Variants in ITGAD observed in about 807,000 individuals in gnomAD.
ITGAD encodes integrin subunit alpha D, also known as integrin alpha-D.
In ITGAD, 105 loss-of-function variants were observed where a neutral mutation model predicts 139.0. The ratio of observed to expected loss-of-function variants is 0.76; its 90% CI spans 0.65 to 0.89. The LOEUF (loss-of-function observed/expected upper bound fraction) is 0.89. Ranked by LOEUF, ITGAD falls within the 40% of genes least tolerant of loss-of-function variation. The pLI is 0.00. For missense variants in ITGAD, 1,384 were observed against 1,487.3 expected (o/e 0.93, Z 1.14); for synonymous variants, 569 against 598.3 (o/e 0.95, Z 0.71).
intron 20 of ITGAD, among the ~76,000 whole-genome samples, chr16:31,416,877 G>C (rs1433172987): frequency 6.6e-6 from 1 of 151,896 alleles, no homozygotes; most frequent in Non-Finnish European, 1.5e-5. Flanking sequence ...ATCACTGCTA[G>C]CATCCCCAGA....
At chr16:31,422,681 C>T (rs1443908626) in intron 23 of ITGAD, among the ~76,000 whole-genome samples, 1 of 151,876 alleles carries the variant, frequency 6.6e-6, no homozygotes, top group Non-Finnish European at 1.5e-5. Flanking sequence ...TGTAAATTTC[C>T]AAAACTGGAG....
chr16:31,394,265 G>T lies in ITGAD; in HGVS notation c.61G>T (p.Asp21Tyr). Residue 21 changes from aspartate (D) to tyrosine (Y), a missense_variant, in exon 2 of 30, where the codon GAT becomes TAT. Physicochemically the swap from Asp to Tyr is radical, Grantham distance 160 (BLOSUM62 -3). Transcript: ENST00000389202. ...GGCTTCTTATCATGGATTCAACCTG[G>T]ATGTGGAGGAGCCTACGATCTTCCA... ...VLASYHGFNL[D>Y]VEEPTIFQED... 8.1e-6 allele frequency: 13 copies of T among 1,613,884 alleles called. No individual in the cohort carries two copies. The highest frequency in any genetic ancestry group is 1.1e-5 in the Non-Finnish European group (13 of 1,179,904).
intron 1 of ITGAD, among the ~76,000 whole-genome samples, chr16:31,393,730 A>T (rs1410324203): frequency 6.6e-6 from 1 of 152,024 alleles, no homozygotes; most frequent in Non-Finnish European, 1.5e-5. Flanking sequence ...GGGAGGGGGA[A>T]AGGTTGGACA....
intron 10 of ITGAD, chr16:31,408,739 C>T (rs984683957): frequency 2.0e-6 from 1 of 490,050 alleles, no homozygotes. Flanking sequence ...TCAGATAGCA[C>T]TAAGCATCAG....
At chr16:31,397,692 G>C (rs1339520242) in intron 4 of ITGAD, 26 bp downstream of exon 4, 4 of 1,513,396 alleles carry the variant, frequency 2.6e-6, no homozygotes, top group African/African-American at 2.7e-5. Context: ...GGGCCACGGG[G>C]GGGTGGGGTG....
At chr16:31,409,217 C>A (rs2081615886) in intron 10 of ITGAD, among the ~76,000 whole-genome samples, 1 of 152,036 alleles carries the variant, frequency 6.6e-6, no homozygotes, top group African/African-American at 2.4e-5. Flanking sequence ...ATTGCTTGAA[C>A]CCAGGAGGCA....
At chr16:31,398,889 T>C (rs2081338037) in intron 5 of ITGAD, among the ~76,000 whole-genome samples, 1 of 152,116 alleles carries the variant, frequency 6.6e-6, no homozygotes, top group Non-Finnish European at 1.5e-5. Context: ...CTTCTTGAGT[T>C]TCAGAGGAAG....
At chr16:31,407,987 T>C in intron 9 of ITGAD, 71 bp downstream of exon 9, 3 of 1,466,652 alleles carry the variant, frequency 2.0e-6, no homozygotes. Context: ...GGCTTTTTTT[T>C]TTTGAGATGG....
At chr16:31,412,706 T>C in intron 14 of ITGAD, 132 bp from the exon 15 acceptor site, 1 of 1,099,022 alleles carries the variant, frequency 9.1e-7, no homozygotes, top group Non-Finnish European at 1.3e-6. Flanking sequence ...CAGGCTCTTG[T>C]TGGTGACATC....
Position 31,417,256 on chromosome 16 carries a change from T to TTTA in ITGAD, c.2499+611_2499+613dup, listed in dbSNP as rs1327888689. Among the ~76,000 whole-genome samples, 262 of 72,698 alleles carry TTTA rather than the reference T, an allele frequency of 3.6e-3. 1 individual carries two copies. The highest frequency in any genetic ancestry group is 6.8e-3 in the Non-Finnish European group (221 of 32,344). 47.7% of individuals were successfully genotyped at this position (72,698 alleles called of 152,430 possible). A position where few individuals can be genotyped will look rare whatever the true frequency, so the allele number is the denominator to read the frequency against. On this transcript the variant is annotated intron_variant, in intron 20 of 29. Transcript: ENST00000389202. ...TATTTATTTATTTATTTATTTATTTTTTAGAGACAGGGTCTCACCATGCTG... is the reference window on the plus strand; with the variant it reads ...TATTTATTTATTTATTTATTTATTTTTTATTAGAGACAGGGTCTCACCATGCTG...
In ITGAD at chr16:31,403,194, C is replaced by T. The variant is rs1223619092; in HGVS notation, c.559-306C>T. ...TTTATTAAAACTGAAAACAATATGG[C>T]TTGGTGTGGTGGCTCACACCTGTAA... is the stretch of plus-strand genomic sequence containing the variant. On this transcript the variant is annotated intron_variant, in intron 6 of 29. Transcript: ENST00000389202. This position sits in a 1 kb window ranked among gnomAD's most constrained non-coding sequence, Gnocchi z 4.4. 1 of 236,476 alleles carries T rather than the reference C, an allele frequency of 4.2e-6. No individual in the cohort carries two copies. Among genetic ancestry groups the T allele is most frequent in the East Asian group, 9.7e-5 (1 of 10,362 alleles). 14.6% of individuals were successfully genotyped at this position (236,476 alleles called of 1,614,324 possible).
intron 20 of ITGAD, among the ~76,000 whole-genome samples, chr16:31,417,264 C>T (rs1020247004): frequency 3.0e-5 from 4 of 132,598 alleles, no homozygotes; most frequent in Non-Finnish European, 6.6e-5. Flanking sequence ...TTTTTAGAGA[C>T]AGGGTCTCAC....
At position 31,406,026 on chromosome 16, in the gene ITGAD, GCT is replaced by G. The variant is rs565998448; in HGVS notation, c.705-1486_705-1485del. Among the ~76,000 whole-genome samples the G allele has an allele frequency of 1.4e-3, 211 of 151,984 alleles. 1 individual carries two copies. The highest frequency in any genetic ancestry group is 4.7e-3 in the African/African-American group (193 of 41,454). ...TTGTATTTGACACCTGTGTGTATTT[GCT>G]CTGAGTTTATCTGAGTTTATAGAGT... is the stretch of plus-strand genomic sequence containing the variant. On this transcript the variant is annotated intron_variant, in intron 7 of 29. Transcript: ENST00000389202.
intron 23 of ITGAD, among the ~76,000 whole-genome samples, chr16:31,419,356 T>C (rs1242405155): frequency 6.6e-6 from 1 of 152,216 alleles, no homozygotes; most frequent in Non-Finnish European, 1.5e-5. Context: ...GATACACAAA[T>C]ACTTTCCATT....
At position 31,410,886 on chromosome 16, in the gene ITGAD, G is replaced by T; in HGVS notation, c.1356+8G>T. 1.2e-6 allele frequency: 2 copies of T among 1,612,576 alleles called. No individual in the cohort carries two copies. Among genetic ancestry groups the T allele is most frequent in the South Asian group, 1.1e-5 (1 of 91,004 alleles). On this transcript the variant is annotated splice_region_variant and intron_variant, in intron 12 of 29. Transcript: ENST00000389202. ...GAAGTCACAGGGACGCAGGTTGGGCGTGACAGGAGCCAGAGGGGAGGATGA... is the reference window on the plus strand; with the variant it reads ...GAAGTCACAGGGACGCAGGTTGGGCTTGACAGGAGCCAGAGGGGAGGATGA...
chr16:31,408,038 C>A, intron 9 of ITGAD, 122 bp downstream of exon 9: 1 of 1,030,178 alleles, frequency 9.7e-7, no homozygotes, highest in Non-Finnish European at 1.4e-6. Context: ...GTGGCACGAT[C>A]TCGGCTCACT....
intron 1 of ITGAD, 39 bp from the exon 2 acceptor site, chr16:31,394,193 CTTCT>C (rs1033781239): frequency 2.0e-5 from 25 of 1,235,744 alleles, no homozygotes; most frequent in Admixed American, 1.4e-4. Flanking sequence ...GGGATTGGGG[CTTCT>C]TTAACTCCCA....
chr16:31,397,688 CGGGGG>C, intron 4 of ITGAD, 22 bp downstream of exon 4: 1 of 171,578 alleles, frequency 5.8e-6, no homozygotes, highest in Non-Finnish European at 9.0e-6. Flanking sequence ...TCTTGGGCCA[CGGGGG>C]GGTGGGGTGG....
intron 7 of ITGAD, among the ~76,000 whole-genome samples, chr16:31,405,795 C>T (rs961105991): frequency 6.6e-6 from 1 of 152,032 alleles, no homozygotes. Flanking sequence ...CATGCCACCA[C>T]ATCTGGCTAA....
Sources: gnomAD v4.1 joint callset for allele counts (sites outside exome capture counted in the v4.1 genomes callset) on GRCh38, gnomAD v4.1.1 for gene constraint, Gnocchi (gnomAD v3.1) non-coding constraint, MANE v1.5 for transcripts, NCBI Gene and HGNC (gene_info 2026-07-23, HGNC 2026-07-21) for gene names.